The following ERG variants were observed in gnomAD, a reference collection of about 807,000 sequenced individuals.
ERG encodes the protein ETS transcription factor ERG.
In ERG, 9 loss-of-function variants were observed where a neutral mutation model predicts 55.3. The observed-to-expected ratio is 0.16, with a 90% CI of 0.10 to 0.28. ERG has a LOEUF of 0.28. Ranked by LOEUF, ERG falls within the 10% of genes least tolerant of loss-of-function variation. The pLI is 1.00. For synonymous variants in ERG, 223 were observed against 237.3 expected (o/e 0.94, Z 0.55); for missense variants, 434 against 631.6 (o/e 0.69, Z 3.35).
chr21:38,653,396 T>C (rs772083154), intron 1 of ERG, among the ~76,000 whole-genome samples: 7 of 152,176 alleles, frequency 4.6e-5, no homozygotes, highest in Non-Finnish European at 8.8e-5. Context: ...TCTTCTCACC[T>C]TGAGTCAAAT....
intron 1 of ERG, among the ~76,000 whole-genome samples, chr21:38,622,715 G>C (rs1290351628): frequency 6.0e-5 from 7 of 116,746 alleles, no homozygotes; most frequent in Admixed American, 5.4e-4. Flanking sequence ...CACACCACAT[G>C]CTCATAAATA....
chr21:38,648,081 G>T (rs1279809308), intron 1 of ERG, among the ~76,000 whole-genome samples: 2 of 152,312 alleles, frequency 1.3e-5, no homozygotes, highest in East Asian at 3.9e-4. Context: ...TTCCAGAAAG[G>T]AAGCATGCAT....
At chr21:38,546,505 T>C (rs141729293) in intron 2 of ERG, among the ~76,000 whole-genome samples, 198 of 152,306 alleles carry the variant, frequency 1.3e-3, no homozygotes, top group African/African-American at 4.4e-3. Context: ...TATTGTGATA[T>C]GAGCTCATTC....
chr21:38,634,913 T>C (rs2060379143), intron 1 of ERG, among the ~76,000 whole-genome samples: 1 of 152,084 alleles, frequency 6.6e-6, no homozygotes, highest in South Asian at 2.1e-4. Flanking sequence ...GTTCCTTATA[T>C]AGGTGAATGG....
In ERG at chr21:38,381,240, A is replaced by C; in HGVS notation, c.*2163T>G. On this transcript the variant is annotated 3_prime_UTR_variant, in exon 10 of 10. Coordinates refer to ENST00000288319, the MANE Select transcript of ERG (RefSeq NM_182918.4). Reference sequence around the variant, plus strand: ...AAAACAGGCCCTGAAACAGCTATGAAAAGGGCCAGTTCAGAAACCTATTCA... The same window carrying C: ...AAAACAGGCCCTGAAACAGCTATGACAAGGGCCAGTTCAGAAACCTATTCA... 9.4e-7 allele frequency: 1 copy of C among 1,065,376 alleles called. No homozygotes were observed. The highest frequency in any genetic ancestry group is 1.1e-6 in the Non-Finnish European group (1 of 879,304). 66.0% of individuals were successfully genotyped at this position (1,065,376 alleles called of 1,614,324 possible).
chr21:38,660,803 G>A (rs957345439), intron 1 of ERG: 1 of 151,842 alleles, frequency 6.6e-6, no homozygotes, highest in South Asian at 2.1e-4. Flanking sequence ...GGGAATGCAC[G>A]CGCGTGGCCA....
intron 1 of ERG, among the ~76,000 whole-genome samples, chr21:38,497,749 G>A (rs2059391348): frequency 6.6e-6 from 1 of 152,190 alleles, no homozygotes; most frequent in Non-Finnish European, 1.5e-5. Flanking sequence ...ACAGTGCACA[G>A]ACAGTAGGTA....
Position 38,597,246 on chromosome 21 carries a change from C to T in ERG, c.-149-12301G>A, listed in dbSNP as rs190781189. Among the ~76,000 whole-genome samples the T allele has an allele frequency of 1.6e-3, 241 of 152,152 alleles. 1 individual carries two copies. Among genetic ancestry groups the T allele is most frequent in the African/African-American group, 4.5e-3 (186 of 41,480 alleles). On this transcript the variant is annotated intron_variant, in intron 1 of 10. Transcript: ENST00000398910. ...ACATATGTATATACACATATGTACA[C>T]AGTTATAAATATGGATCAATATAAT...
chr21:38,577,125 A>G (rs1488462590), intron 1 of ERG, among the ~76,000 whole-genome samples: 1 of 152,198 alleles, frequency 6.6e-6, no homozygotes, highest in Non-Finnish European at 1.5e-5. Flanking sequence ...ACAGAACTTG[A>G]GACATTTTCG....
At chr21:38,411,242 T>C (rs1989032217) in intron 3 of ERG, among the ~76,000 whole-genome samples, 2 of 152,196 alleles carry the variant, frequency 1.3e-5, no homozygotes, top group African/African-American at 2.4e-5. Context: ...GTAGAGTTCA[T>C]TTATTGTTTT....
At chr21:38,432,619 C>T (rs1211441420) in intron 2 of ERG, among the ~76,000 whole-genome samples, 3 of 152,218 alleles carry the variant, frequency 2.0e-5, no homozygotes, top group Non-Finnish European at 4.4e-5. Context: ...AACATGGTGC[C>T]TGGCACATGA....
Position 38,402,537 on chromosome 21 carries a change from A to T in ERG, c.673+20T>A, listed in dbSNP as rs778904610. 1 of 1,598,796 alleles carries T rather than the reference A, an allele frequency of 6.3e-7. No individual in the cohort carries two copies. The highest frequency in any genetic ancestry group is 8.6e-7 in the Non-Finnish European group (1 of 1,168,876). ...AGACCCTACGCTCTTGCTGGGAGGCAGGGGCGGGGCCAGCATTACCTGTGT... is the reference window on the plus strand; with the variant it reads ...AGACCCTACGCTCTTGCTGGGAGGCTGGGGCGGGGCCAGCATTACCTGTGT... On this transcript the variant is annotated intron_variant, in intron 5 of 9. Coordinates refer to ENST00000288319, the MANE Select transcript of ERG (RefSeq NM_182918.4).
At position 38,460,844 on chromosome 21, in the gene ERG, G is replaced by A. The variant is rs1164916033; in HGVS notation, c.19-15223C>T. ...TTTAACGAGCTCTGAATGGCAAATG[G>A]CAGACAATGGTGTCACTTCCTTTCT... is the stretch of plus-strand genomic sequence containing the variant. On this transcript the variant is annotated intron_variant, in intron 1 of 9. Coordinates refer to ENST00000288319, the MANE Select transcript of ERG (RefSeq NM_182918.4). This position sits in a 1 kb window ranked among gnomAD's most constrained non-coding sequence, Gnocchi z 5.0. Among the ~76,000 whole-genome samples, 3 of 152,198 alleles carry A rather than the reference G, an allele frequency of 2.0e-5. No homozygotes were observed. Among genetic ancestry groups the A allele is most frequent in the Non-Finnish European group, 4.4e-5 (3 of 68,026 alleles).
upstream of ERG, among the ~76,000 whole-genome samples, chr21:38,501,152 G>T (rs1053089375): frequency 7.5e-6 from 1 of 132,706 alleles, no homozygotes; most frequent in South Asian, 2.5e-4. Context: ...TGCAAGCTCC[G>T]CCTCCCAGCT....
chr21:38,457,130 AAT>A (rs1161790429), intron 1 of ERG, among the ~76,000 whole-genome samples: 2 of 152,184 alleles, frequency 1.3e-5, no homozygotes, highest in African/African-American at 4.8e-5. Flanking sequence ...CCCCTCTATA[AAT>A]ATGTCTACTT....
intron 1 of ERG, among the ~76,000 whole-genome samples, chr21:38,456,556 ATGGTCC>A (rs2058991236): frequency 6.6e-6 from 1 of 151,810 alleles, no homozygotes; most frequent in Non-Finnish European, 1.5e-5. Context: ...TATTCACATG[ATGGTCC>A]AGGGGTCTCC....
rs16996252 is a variant in ERG, at chr21:38,399,233, G to A, written c.745+1341C>T. ...TTTCCATCATGCTTCCCAGGAGCAA[G>A]ACAGTAAACTTTTTCTCTGACGTTA... On this transcript the variant is annotated intron_variant, in intron 6 of 9. Coordinates refer to ENST00000288319, the MANE Select transcript of ERG (RefSeq NM_182918.4). 6.8e-3 allele frequency among the ~76,000 whole-genome samples: 1,038 copies of A among 152,278 alleles called. 5 individuals carry two copies. Among genetic ancestry groups the A allele is most frequent in the African/African-American group, 0.024 (998 of 41,546 alleles).
chr21:38,367,555 A>G, the ERG span: 2 of 484,338 alleles, frequency 4.1e-6, no homozygotes, highest in Non-Finnish European at 8.0e-6. Flanking sequence ...ATGCAAAGAG[A>G]AGGCCACGCT....
intron 3 of ERG, among the ~76,000 whole-genome samples, chr21:38,423,150 G>A (rs972578296): frequency 1.1e-4 from 17 of 151,582 alleles, no homozygotes; most frequent in Non-Finnish European, 2.9e-5. Context: ...GCAAAATAAA[G>A]AGCTGGGGCT....
Sources: gnomAD v4.1 joint callset for allele counts (sites outside exome capture counted in the v4.1 genomes callset) on GRCh38, gnomAD v4.1.1 for gene constraint, Gnocchi (gnomAD v3.1) non-coding constraint, MANE v1.5 for transcripts, NCBI Gene and HGNC (gene_info 2026-07-23, HGNC 2026-07-21) for gene names.